Variants in FHOD3 observed in about 807,000 individuals in gnomAD.
FHOD3 encodes the protein formin homology 2 domain containing 3.
Under a neutral mutation model 173.0 loss-of-function variants are expected in FHOD3, and 90 were observed. The observed-to-expected ratio is 0.52, with a 90% CI of 0.44 to 0.62. The LOEUF is 0.62. FHOD3 is among the 20% of genes least tolerant of loss of function. The pLI, the probability that FHOD3 is intolerant of heterozygous loss-of-function variation, is 0.00. For synonymous variants in FHOD3, 828 were observed against 823.0 expected, an observed-to-expected ratio of 1.01 and a Z score of -0.10; for missense variants, 1,945 against 2,034.7, an observed-to-expected ratio of 0.96 and a Z score of 0.85.
At chr18:36,299,556 T>C (rs2091901782) in intron 1 of FHOD3, among the ~76,000 whole-genome samples, 1 of 152,194 alleles carries the variant, frequency 6.6e-6, no homozygotes, top group African/African-American at 2.4e-5. Flanking sequence ...TCAAACCTTA[T>C]ATACATGGGT....
chr18:36,369,355 A>T (rs977649921), intron 2 of FHOD3, among the ~76,000 whole-genome samples: 1 of 151,974 alleles, frequency 6.6e-6, no homozygotes, highest in African/African-American at 2.4e-5. Flanking sequence ...TGTCAGTTTT[A>T]ACTAATTAGA....
chr18:36,581,846 A>G (rs962198779), intron 6 of FHOD3, among the ~76,000 whole-genome samples: 9 of 152,192 alleles, frequency 5.9e-5, no homozygotes, highest in Admixed American at 3.3e-4. Flanking sequence ...CGTGGTGTGT[A>G]GAATGGAGTG....
Position 36,702,807 on chromosome 18 carries a change from T to TGTGTGTGTGCGC in FHOD3, c.2237-6278_2237-6267dup, listed in dbSNP as rs562501445. Among the ~76,000 whole-genome samples the TGTGTGTGTGCGC allele has an allele frequency of 6.6e-5, 10 of 152,284 alleles. No individual in the cohort carries two copies. The East Asian group carries it at 1.9e-3, about 29-fold the overall frequency. ...AACATTGAAACATTCCTGCCCACTG[T>TGTGTGTGTGCGC]GTGTGTGTGCGCGTGTGTGTGTGCA... On this transcript the variant is annotated intron_variant, in intron 17 of 28. Coordinates refer to ENST00000590592, the MANE Select transcript of FHOD3 (RefSeq NM_001281740.3).
At chr18:36,695,696 T>C (rs978264913) in intron 17 of FHOD3, among the ~76,000 whole-genome samples, 7 of 152,218 alleles carry the variant, frequency 4.6e-5, no homozygotes, top group African/African-American at 1.4e-4. Flanking sequence ...TATGAAAAGA[T>C]GGTGGTCTCA....
chr18:36,327,449 G>T (rs7228691), intron 1 of FHOD3, among the ~76,000 whole-genome samples: 1 of 152,182 alleles, frequency 6.6e-6, no homozygotes, highest in Non-Finnish European at 1.5e-5. Flanking sequence ...CATCTAATAT[G>T]TTGTGAGCCA....
chr18:36,739,847 T>C (rs1354069187), intron 20 of FHOD3, among the ~76,000 whole-genome samples: 1 of 152,340 alleles, frequency 6.6e-6, no homozygotes, highest in Admixed American at 6.5e-5. Context: ...GTTTTAGAAA[T>C]TTTTTGTAGA....
intron 3 of FHOD3, among the ~76,000 whole-genome samples, chr18:36,458,050 G>T (rs563871265): frequency 5.9e-5 from 9 of 152,240 alleles, no homozygotes; most frequent in African/African-American, 2.2e-4. Context: ...AAGCAGAGAG[G>T]AGAGGAGTAG....
intron 10 of FHOD3, among the ~76,000 whole-genome samples, chr18:36,644,301 T>C (rs1046806877): frequency 1.3e-4 from 20 of 152,198 alleles, no homozygotes; most frequent in African/African-American, 4.3e-4. Context: ...AAAATCTAGT[T>C]TGAGAAAAAG....
At chr18:36,680,834 A>C (rs1413369428) in intron 14 of FHOD3, among the ~76,000 whole-genome samples, 1 of 152,236 alleles carries the variant, frequency 6.6e-6, no homozygotes, top group Non-Finnish European at 1.5e-5. Context: ...TGCCTTGTTC[A>C]ATTATTCTAA....
intron 5 of FHOD3, among the ~76,000 whole-genome samples, chr18:36,539,778 G>A (rs1222824503): frequency 2.0e-5 from 3 of 152,190 alleles, no homozygotes; most frequent in African/African-American, 7.2e-5. Flanking sequence ...TCTAGAGTAG[G>A]AAGTACAGGA....
At chr18:36,575,196 C>T (rs537119741) in intron 5 of FHOD3, among the ~76,000 whole-genome samples, 38 of 152,280 alleles carry the variant, frequency 2.5e-4, no homozygotes, top group Non-Finnish European at 4.4e-5. Flanking sequence ...GTCTTGAACT[C>T]CTCACCTCAT....
chr18:36,478,153 T>C (rs80177948), intron 3 of FHOD3, among the ~76,000 whole-genome samples: 1,724 of 152,302 alleles, frequency 0.011, 32 homozygotes, highest in African/African-American at 0.039. Context: ...GTTGTTGTAA[T>C]GCTTGGGTGT....
intron 10 of FHOD3, among the ~76,000 whole-genome samples, chr18:36,627,160 A>G (rs1599938027): frequency 6.6e-6 from 1 of 152,234 alleles, no homozygotes; most frequent in Non-Finnish European, 1.5e-5. Flanking sequence ...AACTCAGCCA[A>G]TTCTCAAAGA....
chr18:36,681,701 G>T, intron 15 of FHOD3, 131 bp downstream of exon 15: 1 of 1,145,108 alleles, frequency 8.7e-7, no homozygotes, highest in East Asian at 2.6e-5. Flanking sequence ...TTAAGGAAGA[G>T]AAAGACATAC....
At chr18:36,656,132 T>C (rs1160928904) in intron 13 of FHOD3, among the ~76,000 whole-genome samples, 1 of 152,158 alleles carries the variant, frequency 6.6e-6, no homozygotes, top group Non-Finnish European at 1.5e-5. Context: ...GGCAGCCTCC[T>C]TCCCCTCCCT....
Position 36,449,222 on chromosome 18 carries a change from T to C in FHOD3, c.338-52710T>C, listed in dbSNP as rs138791708. Among the ~76,000 whole-genome samples the C allele has an allele frequency of 4.9e-3, 739 of 152,272 alleles. 10 individuals carry two copies. Among genetic ancestry groups the C allele is most frequent in the African/African-American group, 0.017 (713 of 41,546 alleles). On this transcript the variant is annotated intron_variant, in intron 3 of 28. Transcript: ENST00000590592. ...CACCTTAGAAGCTGCCTATACTTTC[T>C]GTGTTTAAAGGCAATTCTGGTTTGA...
intron 3 of FHOD3, among the ~76,000 whole-genome samples, chr18:36,381,696 C>T (rs2047799848): frequency 6.6e-6 from 1 of 152,084 alleles, no homozygotes; most frequent in Admixed American, 6.5e-5. Flanking sequence ...AGAAGGAGAC[C>T]CCAAATTATT....
intron 9 of FHOD3, among the ~76,000 whole-genome samples, chr18:36,617,575 G>C (rs968324710): frequency 4.1e-5 from 6 of 145,596 alleles, no homozygotes; most frequent in African/African-American, 1.5e-4. Context: ...GAGAGTTCTT[G>C]TACTTCCCTG....
intron 1 of FHOD3, among the ~76,000 whole-genome samples, chr18:36,332,999 A>T (rs779238545): frequency 4.6e-5 from 7 of 152,340 alleles, no homozygotes; most frequent in Non-Finnish European, 8.8e-5. Flanking sequence ...TGTGTGCCTC[A>T]TTCATGTTTG....
Sources: gnomAD v4.1 joint callset for allele counts (sites outside exome capture counted in the v4.1 genomes callset) on GRCh38, gnomAD v4.1.1 for gene constraint, MANE v1.5 for transcripts, NCBI Gene and HGNC (gene_info 2026-07-23, HGNC 2026-07-21) for gene names.